The following SDHA variants were observed in gnomAD, a reference collection of about 807,000 sequenced individuals.
SDHA encodes succinate dehydrogenase complex flavoprotein subunit A, also known as succinate dehydrogenase [ubiquinone] flavoprotein subunit, mitochondrial.
Under a neutral mutation model 78.4 loss-of-function variants are expected in SDHA, and 48 were observed. The observed-to-expected ratio is 0.61, with a 90% CI of 0.49 to 0.78. The LOEUF (loss-of-function observed/expected upper bound fraction) is 0.78, where lower values mean the gene tolerates loss of function less well. Ranked by LOEUF, SDHA falls within the 30% of genes least tolerant of loss-of-function variation. SDHA has a pLI of 0.00. For missense variants in SDHA, 680 were observed against 892.7 expected (o/e 0.76, Z 3.04); for synonymous variants, 326 against 353.9 (o/e 0.92, Z 0.88).
chr5:242,977 T>C lies in SDHA; in HGVS notation c.1551+2501T>C, dbSNP rs181869651. Among the ~76,000 whole-genome samples, 609 of 152,262 alleles carry C rather than the reference T, an allele frequency of 4.0e-3. 1 individual carries two copies. Among genetic ancestry groups the C allele is most frequent in the Admixed American group, 0.012 (187 of 15,300 alleles). ...TCCCTACCCTTCTGCACCCCCTCCT[T>C]ATTTTGAAGAAAAAGAGTGGCCTGA... On this transcript the variant is annotated intron_variant, in intron 11 of 14. Coordinates refer to ENST00000264932, the MANE Select transcript of SDHA (RefSeq NM_004168.4).
At chr5:232,031 C>G (rs73730778) in intron 7 of SDHA, among the ~76,000 whole-genome samples, 2 of 151,816 alleles carry the variant, frequency 1.3e-5, no homozygotes, top group African/African-American at 4.9e-5. Flanking sequence ...CAGACACACA[C>G]CTGCCTCTTG....
chr5:232,213 T>C (rs1477941624), intron 7 of SDHA, among the ~76,000 whole-genome samples: 1 of 152,140 alleles, frequency 6.6e-6, no homozygotes, highest in Non-Finnish European at 1.5e-5. Flanking sequence ...TGTAGTGTTT[T>C]TTTTTTATTT....
intron 6 of SDHA, 61 bp from the exon 7 acceptor site, chr5:230,815 A>G: frequency 6.2e-7 from 1 of 1,611,042 alleles, no homozygotes; most frequent in East Asian, 2.2e-5. Context: ...CTGTGATCTC[A>G]CCAGATAGGA....
At chr5:233,180 G>C (rs1048493068) in intron 7 of SDHA, among the ~76,000 whole-genome samples, 1 of 152,144 alleles carries the variant, frequency 6.6e-6, no homozygotes, top group Non-Finnish European at 1.5e-5. Flanking sequence ...AAAATTTGAG[G>C]CATCCAACGT....
chr5:254,241 T>C, intron 13 of SDHA, 152 bp from the exon 14 acceptor site: 1 of 678,498 alleles, frequency 1.5e-6, no homozygotes, highest in East Asian at 3.6e-5. Flanking sequence ...CCGTGGGTTC[T>C]GAACATGTTG....
intron 7 of SDHA, among the ~76,000 whole-genome samples, chr5:231,926 G>A (rs1277049811): frequency 4.6e-5 from 7 of 152,142 alleles, no homozygotes; most frequent in Admixed American, 2.0e-4. Context: ...GACGTCTGAC[G>A]GTTGAGGTTA....
chr5:250,515 C>G (rs1487674332), intron 11 of SDHA: 1 of 244,284 alleles, frequency 4.1e-6, no homozygotes, highest in Non-Finnish European at 8.0e-6. Flanking sequence ...GCCCCTCCCT[C>G]TCCTTGAAGA....
chr5:266,397 T>C, the SDHA span, among the ~76,000 whole-genome samples: 2 of 152,186 alleles, frequency 1.3e-5, no homozygotes, highest in Non-Finnish European at 2.9e-5. Context: ...GTTGTGTGTG[T>C]GTCTACTGCT....
chr5:246,304 G>C (rs1217978395), intron 11 of SDHA, among the ~76,000 whole-genome samples: 1 of 145,968 alleles, frequency 6.9e-6, no homozygotes, highest in African/African-American at 2.6e-5. Context: ...GAGAAGACTC[G>C]AGCTGCAGCT....
chr5:243,516 G>C (rs2126611731), intron 11 of SDHA, among the ~76,000 whole-genome samples: 1 of 152,282 alleles, frequency 6.6e-6, no homozygotes, highest in East Asian at 1.9e-4. Context: ...TGGTCGTGCA[G>C]GATGATGCCG....
the SDHA span, among the ~76,000 whole-genome samples, chr5:263,163 C>T: frequency 6.6e-6 from 1 of 152,170 alleles, no homozygotes; most frequent in African/African-American, 2.4e-5. Flanking sequence ...TGGTCTCAAA[C>T]TCCTGGGCTC....
At chr5:229,423 G>A (rs1248371338) in intron 6 of SDHA, among the ~76,000 whole-genome samples, 13 of 152,222 alleles carry the variant, frequency 8.5e-5, no homozygotes, top group Admixed American at 8.5e-4. Context: ...ATTCGGCTAT[G>A]AAAATGAAGG....
At position 224,469 on chromosome 5, in the gene SDHA, C is replaced by T. The variant is rs756543943; in HGVS notation, c.260C>T (p.Thr87Ile). ...GGCCTTTCTGAGGCAGGGTTTAATA[C>T]AGCATGTGTTACCAAGCTGTTTCCT... ...AFGLSEAGFN[T>I]ACVTKLFPTR... Residue 87 changes from threonine (T) to isoleucine (I), a missense_variant, in exon 3 of 15, where the codon ACA (threonine) becomes ATA (isoleucine). Transcript: ENST00000264932. 10 of 1,613,288 alleles carry T rather than the reference C, an allele frequency of 6.2e-6. No homozygotes were observed. The highest frequency in any genetic ancestry group is 2.7e-5 in the African/African-American group (2 of 74,902).
chr5:222,689 A>G (rs1404535945), intron 1 of SDHA, among the ~76,000 whole-genome samples: 3 of 152,156 alleles, frequency 2.0e-5, no homozygotes, highest in Non-Finnish European at 4.4e-5. Flanking sequence ...TGGTCTTCTC[A>G]AATGTAGCCA....
At chr5:236,636 G>A (rs1313089240) in intron 10 of SDHA, 37 bp downstream of exon 10, 8 of 1,600,256 alleles carry the variant, frequency 5.0e-6, no homozygotes, top group African/African-American at 4.0e-5. Flanking sequence ...TATTTGAGAA[G>A]GCGCAGGACG....
intron 8 of SDHA, chr5:234,561 AC>A (rs1247615555): frequency 7.1e-6 from 1 of 140,948 alleles, no homozygotes; most frequent in African/African-American, 3.4e-5. Flanking sequence ...AAATATGCAG[AC>A]TTTTTTTCCT....
At chr5:237,518 T>G (rs371906284) in intron 10 of SDHA, among the ~76,000 whole-genome samples, 1 of 133,340 alleles carries the variant, frequency 7.5e-6, no homozygotes, top group Non-Finnish European at 1.5e-5. Context: ...AGTTAGCATC[T>G]CTCCCACCTC....
chr5:232,457 G>GTCTCAAACT (rs1735470207), intron 7 of SDHA, among the ~76,000 whole-genome samples: 1 of 152,132 alleles, frequency 6.6e-6, no homozygotes, highest in African/African-American at 2.4e-5. Flanking sequence ...CAGGGCTTAG[G>GTCTCAAACT]CCATCCTCCT....
intron 6 of SDHA, among the ~76,000 whole-genome samples, chr5:228,939 C>T (rs1364124729): frequency 1.3e-5 from 2 of 151,230 alleles, no homozygotes; most frequent in African/African-American, 4.8e-5. Context: ...AACAACCCTA[C>T]TAAAAATGGG....
Sources: allele counts gnomAD v4.1 joint callset (sites outside exome capture counted in the v4.1 genomes callset), GRCh38; gene constraint gnomAD v4.1.1; transcripts MANE v1.5; gene names NCBI Gene and HGNC (gene_info 2026-07-23, HGNC 2026-07-21).